Variants in KIAA1614 observed in about 807,000 individuals in gnomAD.
KIAA1614 encodes the protein uncharacterized protein KIAA1614.
Under a neutral mutation model 88.7 loss-of-function variants are expected in KIAA1614, and 76 were observed. The ratio of observed to expected loss-of-function variants is 0.86; its 90% CI spans 0.71 to 1.04. The LOEUF (loss-of-function observed/expected upper bound fraction) is 1.04, where lower values mean the gene tolerates loss of function less well. Among genes scored for constraint, KIAA1614 ranks in the 50% least tolerant of loss-of-function variants. The probability of loss-of-function intolerance (pLI) is 0.00; values close to 1 mark genes in which losing one functional copy is unlikely to be tolerated. For synonymous variants in KIAA1614, 714 were observed against 675.5 expected, an observed-to-expected ratio of 1.06 and a Z score of -0.88; for missense variants, 1,553 against 1,582.5, an observed-to-expected ratio of 0.98 and a Z score of 0.32.
At chr1:180,931,784 G>A (rs558011551) in intron 4 of KIAA1614, among the ~76,000 whole-genome samples, 19 of 152,302 alleles carry the variant, frequency 1.2e-4, no homozygotes, top group South Asian at 8.3e-4. Context: ...GATTAGGACC[G>A]CACTGCCTTT....
rs907926660 is a variant in KIAA1614 at position 180,949,540 on chromosome 1, CGG to C, written c.*3957_*3958del. Reference sequence around the variant, plus strand: ...AGCCCCACAGGGCCTGCCCCACTGACGGGGGGCTCCCTGAGAGCCGGAGCCTG... The same window carrying C: ...AGCCCCACAGGGCCTGCCCCACTGACGGGGCTCCCTGAGAGCCGGAGCCTG... On this transcript the variant is annotated 3_prime_UTR_variant, in exon 9 of 9. Coordinates refer to ENST00000367588, the MANE Select transcript of KIAA1614 (RefSeq NM_020950.2). 6.6e-6 allele frequency: 1 copy of C among 152,274 alleles called. No homozygotes were observed. The highest frequency in any genetic ancestry group is 2.4e-5 in the African/African-American group (1 of 41,454). 9.4% of individuals were successfully genotyped at this position (152,274 alleles called of 1,614,324 possible).
At chr1:180,932,076 C>T (rs954898884) in intron 4 of KIAA1614, among the ~76,000 whole-genome samples, 1 of 152,140 alleles carries the variant, frequency 6.6e-6, no homozygotes, top group Non-Finnish European at 1.5e-5. Flanking sequence ...GACCCCACAG[C>T]TGACCTAGAT....
At chr1:180,928,986 T>C (rs1363919713) in intron 4 of KIAA1614, among the ~76,000 whole-genome samples, 1 of 152,176 alleles carries the variant, frequency 6.6e-6, no homozygotes, top group Non-Finnish European at 1.5e-5. Context: ...GACGGAAGTA[T>C]AGATATGCAC....
At chr1:180,917,154 G>C in intron 2 of KIAA1614, 54 bp downstream of exon 2, 1 of 1,412,616 alleles carries the variant, frequency 7.1e-7, no homozygotes, top group East Asian at 2.4e-5. Context: ...GGAATCCAGA[G>C]GGAGGAAAAG....
In KIAA1614 at chr1:180,946,982, TTC is replaced by T. The variant is rs1654611251; in HGVS notation, c.*1396_*1397del. ...CGTATGTCAGATGGTGAAAAGAAAG[TTC>T]TGAGAAACAGACAGATAAAGCAGGT... On this transcript the variant is annotated 3_prime_UTR_variant, in exon 9 of 9. Coordinates refer to ENST00000367588, the MANE Select transcript of KIAA1614 (RefSeq NM_020950.2). 1 of 152,406 alleles carries T rather than the reference TTC, an allele frequency of 6.6e-6. No homozygotes were observed. Among genetic ancestry groups the T allele is most frequent in the African/African-American group, 2.4e-5 (1 of 41,580 alleles). 9.4% of individuals were successfully genotyped at this position (152,406 alleles called of 1,614,324 possible). A position where few individuals can be genotyped will look rare whatever the true frequency, so the allele number is the denominator to read the frequency against.
chr1:180,925,383 T>A (rs1370817470), intron 3 of KIAA1614, among the ~76,000 whole-genome samples: 2 of 152,240 alleles, frequency 1.3e-5, no homozygotes, highest in African/African-American at 2.4e-5. Context: ...AGTTTCTCTA[T>A]GTTCTGTACA....
rs570982243 is a variant in KIAA1614 at position 180,941,751 on chromosome 1, G to A, written c.3159+466G>A. Among the ~76,000 whole-genome samples the A allele has an allele frequency of 4.6e-4, 70 of 152,184 alleles. 2 individuals carry two copies. In the South Asian group the frequency reaches 0.011, roughly 24 times the overall value. ...GCAAATCCGACCACGCCACCCCCTC[G>A]CCGAACATCTGTCATTGGTCCCTTA... is the stretch of plus-strand genomic sequence containing the variant. On this transcript the variant is annotated intron_variant, in intron 7 of 8. Coordinates refer to ENST00000367588, the MANE Select transcript of KIAA1614 (RefSeq NM_020950.2).
rs763546673 is a variant in KIAA1614, at chr1:180,936,546, C to T, written c.2637C>T (p.Asn879=). 4 of 1,614,050 alleles carry T rather than the reference C, an allele frequency of 2.5e-6. No individual in the cohort carries two copies. In the South Asian group the frequency reaches 4.4e-5, roughly 18 times the overall value. ...ACCCACTGCTGGCCCTGTCCACCAA[C>T]AACTGCAACAACAGCGCACCTCGGG... ...VRHPLLALST[N]NCNNSAPRGL... The change falls in exon 5 of 9, where the codon AAC becomes AAT. Residue 879 remains asparagine, a synonymous_variant. Coordinates refer to ENST00000367588, the MANE Select transcript of KIAA1614 (RefSeq NM_020950.2).
intron 3 of KIAA1614, among the ~76,000 whole-genome samples, chr1:180,927,407 C>T (rs1389352086): frequency 6.6e-6 from 1 of 152,254 alleles, no homozygotes; most frequent in Admixed American, 6.5e-5. Context: ...CGGAACGATG[C>T]TGGAGACAGT....
At position 180,916,869 on chromosome 1, in the gene KIAA1614, A is replaced by G. The variant is rs778570226; in HGVS notation, c.766A>G (p.Ser256Gly). ...CGTGGTGACAGAGGCAGATCTGGAT[A>G]GCACATCCCTGACCTCCGAGGAGGT... Reference protein sequence around the residue: ...DGVVTEADLDSTSLTSEEVFV... With the variant: ...DGVVTEADLDGTSLTSEEVFV... Residue 256 changes from serine (S) to glycine (G), a missense_variant, in exon 2 of 9, where the codon AGC becomes GGC. Coordinates refer to ENST00000367588, the MANE Select transcript of KIAA1614 (RefSeq NM_020950.2). 1.9e-6 allele frequency: 3 copies of G among 1,614,260 alleles called. No homozygotes were observed. In the South Asian group the frequency reaches 3.3e-5, roughly 18 times the overall value.
intron 3 of KIAA1614, among the ~76,000 whole-genome samples, chr1:180,922,892 A>G (rs1017774206): frequency 2.6e-5 from 4 of 152,202 alleles, no homozygotes; most frequent in African/African-American, 7.2e-5. Context: ...TCAGATGCCA[A>G]TTGCAAGTCC....
At chr1:180,928,234 G>C (rs557754689) in intron 3 of KIAA1614, 196 bp from the exon 4 acceptor site, 468 of 610,652 alleles carry the variant, frequency 7.7e-4, no homozygotes, top group Non-Finnish European at 1.1e-3. Flanking sequence ...GCCACGCAGG[G>C]CCATTTCCCA....
intron 3 of KIAA1614, among the ~76,000 whole-genome samples, chr1:180,927,723 G>C (rs1056092665): frequency 2.0e-5 from 3 of 152,180 alleles, no homozygotes; most frequent in South Asian, 2.1e-4. Flanking sequence ...CATCTGGTAG[G>C]GGGTGGGGGC....
Position 180,916,477 on chromosome 1 carries a change from G to A in KIAA1614, c.374G>A (p.Arg125Lys), listed in dbSNP as rs781372922. The A allele has an allele frequency of 4.3e-6, 7 of 1,614,038 alleles. No homozygotes were observed. In the Admixed American group the frequency reaches 8.3e-5, roughly 19 times the overall value. The change falls in exon 2 of 9, where the codon AGA (arginine) becomes AAA (lysine). Residue 125 changes from arginine to lysine, a missense_variant. Arg to Lys is a conservative substitution (Grantham distance 26). Transcript: ENST00000367588. ...CAATGCAGACGAGGCAAGGCAGGGA[G>A]AGCCGGGACTCCATCAGAGGGGTCT... The part of the protein sequence containing the change: ...KPQCRRGKAG[R>K]AGTPSEGSFL...
chr1:180,926,815 C>T (rs991356635), intron 3 of KIAA1614, among the ~76,000 whole-genome samples: 2 of 152,252 alleles, frequency 1.3e-5, no homozygotes, highest in African/African-American at 4.8e-5. Context: ...GAGGAGCTGT[C>T]TGCTGGGGAA....
At chr1:180,919,284 AT>A (rs538502409) in intron 3 of KIAA1614, among the ~76,000 whole-genome samples, 14 of 151,976 alleles carry the variant, frequency 9.2e-5, no homozygotes, top group Non-Finnish European at 1.9e-4. Flanking sequence ...ATCCTTTGCT[AT>A]TTATGATTTG....
In KIAA1614 at chr1:180,936,133, C is replaced by T. The variant is rs1654327569; in HGVS notation, c.2224C>T (p.Pro742Ser). 1.2e-6 allele frequency: 2 copies of T among 1,614,144 alleles called. No individual in the cohort carries two copies. The highest frequency in any genetic ancestry group is 1.7e-6 in the Non-Finnish European group (2 of 1,179,998). Residue 742 changes from proline to serine, a missense_variant, in exon 5 of 9, where the codon CCA becomes TCA. Transcript: ENST00000367588. ...GCCTCACCCTTTGGATTCCCGGACTCCATGCAGGACAGCCTATGCCACCAC... is the reference window on the plus strand; with the variant it reads ...GCCTCACCCTTTGGATTCCCGGACTTCATGCAGGACAGCCTATGCCACCAC... Reference protein sequence around the residue: ...HQPHPLDSRTPCRTAYATTAP... With the variant: ...HQPHPLDSRTSCRTAYATTAP...
In KIAA1614 at chr1:180,945,435, A is replaced by AG. The variant is rs1187111801; in HGVS notation, c.3425dup (p.Thr1143HisfsTer31). 5 of 1,611,476 alleles carry AG rather than the reference A, an allele frequency of 3.1e-6. No individual in the cohort carries two copies. Among genetic ancestry groups the AG allele is most frequent in the Non-Finnish European group, 4.2e-6 (5 of 1,179,314 alleles). On this transcript the variant is annotated frameshift_variant, in exon 9 of 9. Coordinates refer to ENST00000367588, the MANE Select transcript of KIAA1614 (RefSeq NM_020950.2). LOFTEE classifies it low-confidence loss of function (END_TRUNC). The stretch of plus-strand genomic sequence containing the variant: ...GCCAGCTGCAGCTGCAGCGCTCCCC[A>AG]GGGGGCACTTTCGGCTTCTGCGTGG...
chr1:180,942,244 T>G (rs1205421307), intron 7 of KIAA1614, among the ~76,000 whole-genome samples: 1 of 152,220 alleles, frequency 6.6e-6, no homozygotes, highest in Non-Finnish European at 1.5e-5. Flanking sequence ...GTACGCACAA[T>G]ACATACTGAG....
Sources: allele counts gnomAD v4.1 joint callset (sites outside exome capture counted in the v4.1 genomes callset), GRCh38; gene constraint gnomAD v4.1.1; transcripts MANE v1.5; gene names NCBI Gene and HGNC (gene_info 2026-07-23, HGNC 2026-07-21).